The following TP63 variants were observed in gnomAD, a reference collection of about 807,000 sequenced individuals.
The protein encoded by TP63 is tumor protein p63.
A neutral mutation model predicts 82.8 loss-of-function variants in TP63; 17 were observed. The observed-to-expected ratio is 0.21, with a 90% CI of 0.14 to 0.31. The LOEUF is 0.31. TP63 is among the 10% of genes least tolerant of loss of function. The probability of loss-of-function intolerance (pLI) is 1.00; values close to 1 mark genes in which losing one functional copy is unlikely to be tolerated. For synonymous variants in TP63, 330 were observed against 321.7 expected (o/e 1.03, Z -0.28); for missense variants, 648 against 895.3 (o/e 0.72, Z 3.52).
the TP63 span, among the ~76,000 whole-genome samples, chr3:189,608,753 A>C: frequency 6.6e-6 from 1 of 152,068 alleles, no homozygotes; most frequent in Non-Finnish European, 1.5e-5. Context: ...TATTACCCAA[A>C]CACTAAGCCC....
chr3:189,700,586 T>G (rs926552059), intron 1 of TP63, among the ~76,000 whole-genome samples: 5 of 152,320 alleles, frequency 3.3e-5, no homozygotes, highest in African/African-American at 1.2e-4. Flanking sequence ...GGCTAGAATG[T>G]GGCATCACCA....
intron 1 of TP63, among the ~76,000 whole-genome samples, chr3:189,642,440 A>G (rs1422717876): frequency 6.6e-6 from 1 of 152,176 alleles, no homozygotes; most frequent in Non-Finnish European, 1.5e-5. Context: ...TCTAACCAAC[A>G]GACAATAGTA....
intron 1 of TP63, among the ~76,000 whole-genome samples, chr3:189,656,928 T>C (rs1472639128): frequency 1.6e-5 from 1 of 63,920 alleles, no homozygotes; most frequent in East Asian, 5.3e-4. Context: ...ACCAAGATGT[T>C]CTTCAACAAG....
intron 7 of TP63, 72 bp from the exon 8 acceptor site, chr3:189,868,508 G>C: frequency 6.3e-7 from 1 of 1,591,262 alleles, no homozygotes; most frequent in Non-Finnish European, 8.6e-7. Flanking sequence ...GGAAGTGGAA[G>C]TGGTAGATCT....
At chr3:189,722,628 A>G (rs79445998) in intron 1 of TP63, among the ~76,000 whole-genome samples, 2,762 of 152,278 alleles carry the variant, frequency 0.018, 32 homozygotes, top group Middle Eastern at 0.041. Context: ...GTGATAGTTA[A>G]GAACTACTCC....
intron 3 of TP63, among the ~76,000 whole-genome samples, chr3:189,752,604 T>A (rs1278810857): frequency 6.6e-6 from 1 of 152,182 alleles, no homozygotes; most frequent in Non-Finnish European, 1.5e-5. Flanking sequence ...TTATTTATCA[T>A]TCAAAGAACT....
At chr3:189,709,691 A>G (rs948766803) in intron 1 of TP63, among the ~76,000 whole-genome samples, 12 of 152,186 alleles carry the variant, frequency 7.9e-5, no homozygotes, top group African/African-American at 2.9e-4. Flanking sequence ...TTTTACATTT[A>G]TGCTGTCCTC....
chr3:189,691,369 A>C (rs1716915455), intron 1 of TP63, among the ~76,000 whole-genome samples: 1 of 151,654 alleles, frequency 6.6e-6, no homozygotes, highest in South Asian at 2.1e-4. Flanking sequence ...AAGAAAAAGA[A>C]AAAGAAAAGA....
chr3:189,827,823 T>C (rs1711637511), intron 4 of TP63, among the ~76,000 whole-genome samples: 2 of 152,176 alleles, frequency 1.3e-5, no homozygotes, highest in Non-Finnish European at 1.5e-5. Context: ...TAAGAAAACA[T>C]GGAAGGGCTG....
intron 1 of TP63, among the ~76,000 whole-genome samples, chr3:189,706,989 A>G (rs1718252343): frequency 6.6e-6 from 1 of 150,820 alleles, no homozygotes; most frequent in Admixed American, 6.6e-5. Flanking sequence ...TGGTTCCTTA[A>G]AAGTGTTCTT....
intron 3 of TP63, among the ~76,000 whole-genome samples, chr3:189,781,810 C>T (rs1168540454): frequency 6.6e-6 from 1 of 152,168 alleles, no homozygotes; most frequent in Non-Finnish European, 1.5e-5. Context: ...AGCTGCCTCA[C>T]TGGCCCTTTA....
chr3:189,738,168 C>T (rs1262980491), intron 2 of TP63, among the ~76,000 whole-genome samples: 1 of 152,178 alleles, frequency 6.6e-6, no homozygotes, highest in Admixed American at 6.5e-5. Context: ...GGCTTGAAGA[C>T]TTATCTACTT....
At chr3:189,675,798 T>C (rs891167524) in intron 1 of TP63, among the ~76,000 whole-genome samples, 2 of 152,136 alleles carry the variant, frequency 1.3e-5, no homozygotes, top group African/African-American at 2.4e-5. Flanking sequence ...TGTCTGCTGT[T>C]CTCCTAAATG....
At chr3:189,665,941 C>T (rs142864951) in intron 1 of TP63, among the ~76,000 whole-genome samples, 1 of 151,652 alleles carries the variant, frequency 6.6e-6, no homozygotes, top group Non-Finnish European at 1.5e-5. Context: ...GAAATGCAAC[C>T]AGAAACTTTA....
chr3:189,719,138 C>T (rs987462526), intron 1 of TP63, among the ~76,000 whole-genome samples: 13 of 151,716 alleles, frequency 8.6e-5, no homozygotes, highest in African/African-American at 2.7e-4. Context: ...CATAGACGCA[C>T]GAAGGAAAAA....
intron 1 of TP63, among the ~76,000 whole-genome samples, chr3:189,731,273 G>A (rs1403162050): frequency 6.6e-6 from 1 of 152,088 alleles, no homozygotes; most frequent in Non-Finnish European, 1.5e-5. Context: ...GAACCCAGGA[G>A]GCAGAGGTTG....
intron 1 of TP63, among the ~76,000 whole-genome samples, chr3:189,719,231 C>T (rs1719191199): frequency 6.6e-6 from 1 of 152,178 alleles, no homozygotes; most frequent in South Asian, 2.1e-4. Context: ...TCCTAGCAAT[C>T]ACAACTTTCT....
intron 11 of TP63, 75 bp downstream of exon 11, chr3:189,886,626 G>T: frequency 6.3e-7 from 1 of 1,593,262 alleles, no homozygotes; most frequent in Non-Finnish European, 8.5e-7. Flanking sequence ...GATGGGGAAG[G>T]CATGTTCTTA....
intron 4 of TP63, among the ~76,000 whole-genome samples, chr3:189,812,966 G>A (rs886421990): frequency 6.6e-6 from 1 of 152,176 alleles, no homozygotes; most frequent in Non-Finnish European, 1.5e-5. Flanking sequence ...TGAATAGATG[G>A]TATAGGGTGA....
Sources: allele counts gnomAD v4.1 joint callset (sites outside exome capture counted in the v4.1 genomes callset), GRCh38; gene constraint gnomAD v4.1.1; transcripts MANE v1.5; gene names NCBI Gene and HGNC (gene_info 2026-07-23, HGNC 2026-07-21).